GPRC5B: variants seen among roughly 807,000 people sequenced by gnomAD.
GPRC5B encodes the protein G protein-coupled receptor class C group 5 member B, also known as G protein-coupled receptor family C group 5 member B.
A neutral mutation model predicts 30.1 loss-of-function variants in GPRC5B; 16 were observed. That is an observed-to-expected ratio of 0.53 (90% CI 0.36 to 0.81). The LOEUF (loss-of-function observed/expected upper bound fraction) is 0.81. GPRC5B is among the 30% of genes least tolerant of loss of function. The pLI is 0.01. For synonymous variants in GPRC5B, 241 were observed against 239.5 expected, an observed-to-expected ratio of 1.01 and a Z score of -0.06; for missense variants, 428 against 544.7, an observed-to-expected ratio of 0.79 and a Z score of 2.13.
In GPRC5B at chr16:19,869,942, G is replaced by C. The variant is rs2285739; in HGVS notation, c.1030+1874C>G. ...AAAAATAAGTTAACTGGGTGTGGTG[G>C]TGTGTGCCTGTGGTCCCAGCTACTC... On this transcript the variant is annotated intron_variant, in intron 2 of 3. Transcript: ENST00000300571. Among the ~76,000 whole-genome samples the C allele has an allele frequency of 0.012, 1,892 of 152,266 alleles. 104 individuals carry two copies. The East Asian group carries it at 0.15, about 12-fold the overall frequency.
chr16:19,885,065 G>A (rs997029545), upstream of GPRC5B: 16 of 717,168 alleles, frequency 2.2e-5, no homozygotes, highest in Non-Finnish European at 3.3e-5. This position sits in a 1 kb window ranked among gnomAD's most constrained non-coding sequence, Gnocchi z 5.3. Context: ...TCTCAGAGAC[G>A]ATTCCCCCGA....
chr16:19,879,740 C>T (rs1295559504), intron 1 of GPRC5B, among the ~76,000 whole-genome samples: 2 of 152,178 alleles, frequency 1.3e-5, no homozygotes, highest in African/African-American at 4.8e-5. Context: ...AACAAAGGTG[C>T]TAACAGTGTC....
intron 1 of GPRC5B, among the ~76,000 whole-genome samples, chr16:19,873,383 G>A (rs1281738194): frequency 6.7e-6 from 1 of 150,360 alleles, no homozygotes; most frequent in African/African-American, 2.5e-5. Context: ...AGAATTGCTT[G>A]AACCTGGGAG....
intron 1 of GPRC5B, among the ~76,000 whole-genome samples, chr16:19,877,539 CT>C (rs2056767725): frequency 6.6e-6 from 1 of 152,114 alleles, no homozygotes; most frequent in African/African-American, 2.4e-5. Context: ...GGCAGCTCAT[CT>C]AGGATTTCTG....
Position 19,858,769 on chromosome 16 carries a change from G to A in GPRC5B, c.*1731C>T. 2.5e-6 allele frequency: 1 copy of A among 402,178 alleles called. No homozygotes were observed. The highest frequency in any genetic ancestry group is 4.4e-6 in the Non-Finnish European group (1 of 228,090). 24.9% of individuals were successfully genotyped at this position (402,178 alleles called of 1,614,324 possible). On this transcript the variant is annotated 3_prime_UTR_variant, in exon 4 of 4. Coordinates refer to ENST00000300571, the MANE Select transcript of GPRC5B (RefSeq NM_016235.3). ...AAGCAAGCACATGCTCTGGGCAGAG[G>A]CGGGGTGCTTCCGGGGAGGTCAGGT...
At chr16:19,864,682 G>A (rs564815096) in intron 2 of GPRC5B, among the ~76,000 whole-genome samples, 15 of 152,362 alleles carry the variant, frequency 9.8e-5, no homozygotes, top group Admixed American at 4.6e-4. Flanking sequence ...CCTGGGCACC[G>A]GCGATTCTGT....
rs2056568580 is a variant in GPRC5B, at chr16:19,856,810, ATTC to A, written c.*3687_*3689del. 4 of 429,960 alleles carry A rather than the reference ATTC, an allele frequency of 9.3e-6. No individual in the cohort carries two copies. Among genetic ancestry groups the A allele is most frequent in the Non-Finnish European group, 1.7e-5 (4 of 240,704 alleles). 26.6% of individuals were successfully genotyped at this position (429,960 alleles called of 1,614,324 possible). A position where few individuals can be genotyped will look rare whatever the true frequency, so the allele number is the denominator to read the frequency against. On this transcript the variant is annotated 3_prime_UTR_variant, in exon 4 of 4. Transcript: ENST00000300571. ...ATTACTTCTTCAGTGCCTCAGGAGT[ATTC>A]TTCTACACCAGCTGCTGTTAAAATG...
At chr16:19,862,622 A>T (rs927330614) in intron 2 of GPRC5B, among the ~76,000 whole-genome samples, 9 of 152,172 alleles carry the variant, frequency 5.9e-5, no homozygotes, top group Non-Finnish European at 7.3e-5. Context: ...ACAAAAAAAA[A>T]GGGTAGAAGC....
chr16:19,858,566 G>C lies in GPRC5B; in HGVS notation c.*1934C>G, dbSNP rs1443152585. On this transcript the variant is annotated 3_prime_UTR_variant, in exon 4 of 4. Coordinates refer to ENST00000300571, the MANE Select transcript of GPRC5B (RefSeq NM_016235.3). Reference sequence around the variant, plus strand: ...ATTTCCTGGCACGAGAATGTGTAATGCTGTCGTTTTTTCACCGGACAGGAC... The same window carrying C: ...ATTTCCTGGCACGAGAATGTGTAATCCTGTCGTTTTTTCACCGGACAGGAC... The C allele has an allele frequency of 2.9e-6, 2 of 680,152 alleles. No homozygotes were observed. Among genetic ancestry groups the C allele is most frequent in the Non-Finnish European group, 5.3e-6 (2 of 375,122 alleles). The allele number at this position is 680,152 out of a possible 1,614,324, so 42.1% of individuals were successfully genotyped here. A position where few individuals can be genotyped will look rare whatever the true frequency, so the allele number is the denominator to read the frequency against.
chr16:19,872,773 A>G lies in GPRC5B; in HGVS notation c.73T>C (p.Ser25Pro). The G allele has an allele frequency of 1.2e-6, 2 of 1,613,706 alleles. No homozygotes were observed. The highest frequency in any genetic ancestry group is 1.7e-6 in the Non-Finnish European group (2 of 1,179,890). Reference protein sequence around the residue: ...LTFLLLFVITSVASENASTSR... With the variant: ...LTFLLLFVITPVASENASTSR... ...GTGCTGGCGTTTTCAGAGGCCACCG[A>G]GGTGATCACGAAGAGCAGGAGGAAG... Residue 25 changes from serine to proline, a missense_variant, in exon 2 of 4, where the codon TCG becomes CCG. Ser to Pro is a moderately conservative substitution (Grantham distance 74). Transcript: ENST00000300571. The surrounding 1 kb of genome is among the most constrained non-coding windows in gnomAD (Gnocchi z 5.0).
chr16:19,873,503 GA>G (rs1265068404), intron 1 of GPRC5B, among the ~76,000 whole-genome samples: 2 of 151,684 alleles, frequency 1.3e-5, no homozygotes, highest in Non-Finnish European at 2.9e-5. Context: ...AAAATAAGGG[GA>G]AAAAAATGAA....
intron 1 of GPRC5B, among the ~76,000 whole-genome samples, chr16:19,874,196 A>G (rs1359371430): frequency 1.3e-5 from 2 of 152,160 alleles, no homozygotes; most frequent in African/African-American, 4.8e-5. Context: ...GGAAACCTGC[A>G]GAATTCTCCC....
At position 19,861,986 on chromosome 16, in the gene GPRC5B, GGGA is replaced by G. The variant is rs1479375715; in HGVS notation, c.1031-16_1031-14del. On this transcript the variant is annotated splice_polypyrimidine_tract_variant and intron_variant, in intron 2 of 3. Coordinates refer to ENST00000300571, the MANE Select transcript of GPRC5B (RefSeq NM_016235.3). ...GCTGTTCGGAGAGCTGGGGGAGGGA[GGGA>G]TTGGCAAGACAACATTGCCAAAAAA... 1 of 1,613,486 alleles carries G rather than the reference GGGA, an allele frequency of 6.2e-7. No individual in the cohort carries two copies. The highest frequency in any genetic ancestry group is 1.7e-5 in the Admixed American group (1 of 59,976).
At position 19,867,126 on chromosome 16, in the gene GPRC5B, G is replaced by A. The variant is rs151278366; in HGVS notation, c.1030+4690C>T. Among the ~76,000 whole-genome samples the A allele has an allele frequency of 7.8e-4, 119 of 152,336 alleles. 1 individual carries two copies. The East Asian group carries it at 0.013, about 17-fold the overall frequency. ...CTCAGTTTTCCACTCTGTAAAACGGGTCTTATAGTCCTCATCTTTCCAAAT... is the reference window on the plus strand; with the variant it reads ...CTCAGTTTTCCACTCTGTAAAACGGATCTTATAGTCCTCATCTTTCCAAAT... On this transcript the variant is annotated intron_variant, in intron 2 of 3. Coordinates refer to ENST00000300571, the MANE Select transcript of GPRC5B (RefSeq NM_016235.3).
intron 1 of GPRC5B, among the ~76,000 whole-genome samples, chr16:19,883,644 C>T (rs1305758863): frequency 2.6e-5 from 4 of 152,234 alleles, no homozygotes; most frequent in Non-Finnish European, 4.4e-5. Context: ...TGCAGTTGGG[C>T]GGCCAATGTG....
At chr16:19,884,948 C>T (rs1324511184), upstream of GPRC5B, 72 of 884,784 alleles carry the variant, frequency 8.1e-5, no homozygotes, top group Admixed American at 6.4e-4. Context: ...GCCGGCCCCG[C>T]CCCCGGGCCT....
chr16:19,883,241 C>T lies in GPRC5B; in HGVS notation c.-2+1486G>A, dbSNP rs187962979. Among the ~76,000 whole-genome samples, 190 of 149,228 alleles carry T rather than the reference C, an allele frequency of 1.3e-3. 1 individual carries two copies. In the Middle Eastern group the frequency reaches 0.014, roughly 11 times the overall value. Reference sequence around the variant, plus strand: ...AAAGATTCTGAGTTTATCTTTCTAACAAAACTGCCTGTCTTGCTGCCTGTG... The same window carrying T: ...AAAGATTCTGAGTTTATCTTTCTAATAAAACTGCCTGTCTTGCTGCCTGTG... On this transcript the variant is annotated intron_variant, in intron 1 of 3. Coordinates refer to ENST00000300571, the MANE Select transcript of GPRC5B (RefSeq NM_016235.3).
intron 1 of GPRC5B, among the ~76,000 whole-genome samples, chr16:19,877,480 G>A (rs1485336581): frequency 1.3e-5 from 2 of 152,102 alleles, no homozygotes; most frequent in African/African-American, 4.8e-5. Context: ...ACAATGTCCA[G>A]GATGTTTGGG....
Position 19,871,797 on chromosome 16 carries a change from C to T in GPRC5B, c.1030+19G>A, listed in dbSNP as rs757712600. The T allele has an allele frequency of 1.2e-5, 20 of 1,605,284 alleles. No individual in the cohort carries two copies. Among genetic ancestry groups the T allele is most frequent in the East Asian group, 2.2e-5 (1 of 44,718 alleles). On this transcript the variant is annotated intron_variant, in intron 2 of 3. Transcript: ENST00000300571. ...GAATGGTCCCCCGGCCTGACCCAGCCGGGTGGTGCCCACTTTACCTGCATT... is the reference window on the plus strand; with the variant it reads ...GAATGGTCCCCCGGCCTGACCCAGCTGGGTGGTGCCCACTTTACCTGCATT...
Sources: gnomAD v4.1 joint callset for allele counts (sites outside exome capture counted in the v4.1 genomes callset) on GRCh38, gnomAD v4.1.1 for gene constraint, Gnocchi (gnomAD v3.1) non-coding constraint, MANE v1.5 for transcripts, NCBI Gene and HGNC (gene_info 2026-07-23, HGNC 2026-07-21) for gene names.